KMT2C: variants seen among roughly 807,000 people sequenced by gnomAD.
KMT2C encodes lysine methyltransferase 2C, also known as histone-lysine N-methyltransferase 2C.
Under a neutral mutation model 507.9 loss-of-function variants are expected in KMT2C, and 88 were observed. That is an observed-to-expected ratio of 0.17 (90% confidence interval 0.15 to 0.21). The LOEUF is 0.21. Among genes scored for constraint, KMT2C ranks in the 10% least tolerant of loss-of-function variants. The pLI is 1.00. For missense variants in KMT2C, 4,954 were observed against 5,957.8 expected, an observed-to-expected ratio of 0.83 and a Z score of 5.55; for synonymous variants, 2,049 against 2,080.8, an observed-to-expected ratio of 0.98 and a Z score of 0.42.
intron 2 of KMT2C, among the ~76,000 whole-genome samples, chr7:152,343,165 A>C (rs539878133): frequency 6.6e-6 from 1 of 152,288 alleles, no homozygotes; most frequent in South Asian, 2.1e-4. Context: ...GGATGCAGGA[A>C]GGAATTTGAA....
chr7:152,433,344 T>C (rs1311935440), intron 1 of KMT2C, among the ~76,000 whole-genome samples: 1 of 152,256 alleles, frequency 6.6e-6, no homozygotes, highest in African/African-American at 2.4e-5. Flanking sequence ...CACATAAGTT[T>C]CACTTTCAGG....
At chr7:152,432,729 A>G (rs2097874805) in intron 1 of KMT2C, among the ~76,000 whole-genome samples, 1 of 152,264 alleles carries the variant, frequency 6.6e-6, no homozygotes, top group Admixed American at 6.5e-5. Context: ...TCTAGCTAAC[A>G]CTATAAGACA....
chr7:152,408,657 CCTAA>C (rs1001734166), intron 1 of KMT2C, among the ~76,000 whole-genome samples: 19 of 151,758 alleles, frequency 1.3e-4, no homozygotes, highest in Non-Finnish European at 2.6e-4. Flanking sequence ...ATCTAACTAA[CCTAA>C]CTAATGCCTG....
chr7:152,263,379 G>A (rs1336985291), intron 8 of KMT2C, among the ~76,000 whole-genome samples: 21 of 152,292 alleles, frequency 1.4e-4, no homozygotes, highest in Non-Finnish European at 2.5e-4. Context: ...AGGAGGAAGG[G>A]TTAAGGCAAG....
At chr7:152,187,997 G>T in intron 31 of KMT2C, 150 bp from the exon 32 acceptor site, 1 of 738,960 alleles carries the variant, frequency 1.4e-6, no homozygotes, top group Non-Finnish European at 2.2e-6. Context: ...AAAACACAGG[G>T]AAACCCATGC....
At chr7:152,352,105 A>C (rs138832601) in intron 2 of KMT2C, among the ~76,000 whole-genome samples, 1,589 of 152,304 alleles carry the variant, frequency 0.01, 29 homozygotes, top group African/African-American at 0.037. Flanking sequence ...AACATCCCTA[A>C]GAAAGCAAAT....
chr7:152,288,022 C>CA (rs66951420), intron 6 of KMT2C, among the ~76,000 whole-genome samples: 1,352 of 31,202 alleles, frequency 0.043, 93 homozygotes, highest in African/African-American at 0.08. Flanking sequence ...GAGTCTGCCT[C>CA]AAAAAAAAAA....
intron 6 of KMT2C, among the ~76,000 whole-genome samples, chr7:152,306,780 A>T (rs1301189377): frequency 6.6e-6 from 1 of 152,148 alleles, no homozygotes; most frequent in Non-Finnish European, 1.5e-5. Context: ...TTTATGTTTG[A>T]ATTTTTGCCA....
At chr7:152,357,785 A>G (rs929472855) in intron 2 of KMT2C, among the ~76,000 whole-genome samples, 25 of 152,232 alleles carry the variant, frequency 1.6e-4, no homozygotes, top group African/African-American at 6.0e-4. Flanking sequence ...TTATACCTAT[A>G]TAATAGCAAC....
At chr7:152,307,921 T>C (rs999301911) in intron 6 of KMT2C, among the ~76,000 whole-genome samples, 4 of 152,224 alleles carry the variant, frequency 2.6e-5, no homozygotes, top group African/African-American at 7.2e-5. Flanking sequence ...TTAGCCTTTG[T>C]TACCTTCCCT....
In KMT2C at chr7:152,200,454, C is replaced by T. The variant is rs148541113; in HGVS notation, c.4093-995G>A. On this transcript the variant is annotated intron_variant, in intron 26 of 58. Coordinates refer to ENST00000262189, the MANE Select transcript of KMT2C (RefSeq NM_170606.3). ...AGTAAATTATAAAATACAGGTCGGG[C>T]GCAGTAGCTCACGCCTGTAATCCCA... Among the ~76,000 whole-genome samples the T allele has an allele frequency of 9.9e-4, 150 of 152,184 alleles. 1 individual carries two copies. The highest frequency in any genetic ancestry group is 1.7e-3 in the Non-Finnish European group (113 of 67,996).
intron 43 of KMT2C, 75 bp downstream of exon 43, chr7:152,162,042 T>C (rs2129103484): frequency 1.4e-6 from 2 of 1,414,628 alleles, no homozygotes; most frequent in East Asian, 4.7e-5. Context: ...GGAAATACAG[T>C]TGCTGGTACT....
chr7:152,235,595 G>T (rs1275601737), intron 16 of KMT2C, among the ~76,000 whole-genome samples: 3 of 130,880 alleles, frequency 2.3e-5, no homozygotes, highest in Non-Finnish European at 5.1e-5. Flanking sequence ...GGTTGGCATA[G>T]AAAGATAAGG....
chr7:152,282,487 A>C (rs531649855), intron 6 of KMT2C, among the ~76,000 whole-genome samples: 33 of 152,362 alleles, frequency 2.2e-4, no homozygotes, highest in Non-Finnish European at 4.3e-4. Context: ...TAACAACAGA[A>C]TACTATACAT....
chr7:152,209,406 G>A (rs1175894701), intron 23 of KMT2C, among the ~76,000 whole-genome samples: 3 of 139,066 alleles, frequency 2.2e-5, no homozygotes, highest in East Asian at 2.1e-4. Context: ...GCAGTGAGCC[G>A]AATTGGCACC....
At chr7:152,331,983 G>T (rs1346802537) in intron 2 of KMT2C, among the ~76,000 whole-genome samples, 1 of 152,022 alleles carries the variant, frequency 6.6e-6, no homozygotes, top group Non-Finnish European at 1.5e-5. Flanking sequence ...ATAGCAATTG[G>T]TCTACAGAAC....
At chr7:152,187,209 T>G (rs2093654284) in intron 33 of KMT2C, 53 bp downstream of exon 33, 2 of 1,396,786 alleles carry the variant, frequency 1.4e-6, no homozygotes, top group Admixed American at 3.6e-5. Context: ...AAAAAAAAGG[T>G]ATTGCACATG....
rs757311416 is a variant in KMT2C, at chr7:152,180,719, A to G, written c.7141T>C (p.Leu2381=). 3.7e-6 allele frequency: 6 copies of G among 1,608,716 alleles called. No individual in the cohort carries two copies. In the South Asian group the frequency reaches 4.4e-5, roughly 12 times the overall value. The change falls in exon 36 of 59, where the codon TTG becomes CTG. Residue 2381 remains leucine, a synonymous_variant. Coordinates refer to ENST00000262189, the MANE Select transcript of KMT2C (RefSeq NM_170606.3). The part of the protein sequence containing the change: ...VNMAQADTEK[L]RQRQKLREII... ...ACATACAATGTGTTTACCTGTCTCA[A>G]TTTCTCTGTATCTGCTTGGGCCATA...
chr7:152,139,732 G>A lies in KMT2C; in HGVS notation c.14403C>T (p.Ile4801=), dbSNP rs766668131. 18 of 1,613,896 alleles carry A rather than the reference G, an allele frequency of 1.1e-5. No individual in the cohort carries two copies. The highest frequency in any genetic ancestry group is 6.7e-5 in the East Asian group (3 of 44,882). ...IEKHTMVIEY[I]GTIIRNEVAN... ...CTACTTCGTTTCGAATGATAGTCCC[G>A]ATGTACTCAATGACCATGGTGTGTT... The change falls in exon 56 of 59, where the codon ATC becomes ATT. Residue 4801 remains isoleucine (I), a synonymous_variant. Transcript: ENST00000262189.
Sources: allele counts gnomAD v4.1 joint callset (sites outside exome capture counted in the v4.1 genomes callset), GRCh38; gene constraint gnomAD v4.1.1; transcripts MANE v1.5; gene names NCBI Gene and HGNC (gene_info 2026-07-23, HGNC 2026-07-21).